NAV2: variants seen among roughly 807,000 people sequenced by gnomAD.
The protein encoded by NAV2 is helicase, APC down-regulated 1.
Under a neutral mutation model 223.2 loss-of-function variants are expected in NAV2, and 54 were observed. The ratio of observed to expected loss-of-function variants is 0.24; its 90% CI spans 0.19 to 0.30. NAV2 has a LOEUF of 0.30. Ranked by LOEUF, NAV2 falls within the 10% of genes least tolerant of loss-of-function variation. The pLI, the probability that NAV2 is intolerant of heterozygous loss-of-function variation, is 1.00. For synonymous variants in NAV2, 1,279 were observed against 1,239.3 expected (o/e 1.03, Z -0.67); for missense variants, 2,806 against 3,147.5 (o/e 0.89, Z 2.60).
At chr11:19,397,396 A>T (rs1256301702) in intron 1 of NAV2, among the ~76,000 whole-genome samples, 1 of 143,820 alleles carries the variant, frequency 7.0e-6, no homozygotes, top group Non-Finnish European at 1.5e-5. Flanking sequence ...TTCTCTGGGG[A>T]GTGTGTGTGT....
intron 11 of NAV2, among the ~76,000 whole-genome samples, chr11:20,023,701 T>TGG (rs1428029064): frequency 3.9e-4 from 6 of 15,318 alleles, no homozygotes; most frequent in Non-Finnish European, 1.2e-3. Flanking sequence ...AATTGCTGGG[T>TGG]GTGTGTGTGT....
At chr11:19,382,721 C>T (rs2133939404) in intron 1 of NAV2, among the ~76,000 whole-genome samples, 1 of 152,278 alleles carries the variant, frequency 6.6e-6, no homozygotes. Flanking sequence ...AGGTAGAACC[C>T]ATTTCATCCA....
chr11:19,638,985 T>C (rs1328988938), intron 1 of NAV2, among the ~76,000 whole-genome samples: 1 of 152,170 alleles, frequency 6.6e-6, no homozygotes. Flanking sequence ...AGAGCAAGAC[T>C]CTGTTTCAAA....
chr11:20,098,229 T>A, intron 31 of NAV2, among the ~76,000 whole-genome samples: 1 of 152,048 alleles, frequency 6.6e-6, no homozygotes, highest in Non-Finnish European at 1.5e-5. Context: ...CCCAGGCCAG[T>A]GGATTCCTTA....
intron 1 of NAV2, among the ~76,000 whole-genome samples, chr11:19,601,674 T>C (rs146222165): frequency 2.2e-4 from 33 of 152,218 alleles, no homozygotes; most frequent in African/African-American, 7.9e-4. Context: ...TGACAGTGAA[T>C]CTTGGTGGGG....
intron 1 of NAV2, among the ~76,000 whole-genome samples, chr11:19,562,857 T>C (rs763547778): frequency 4.6e-5 from 7 of 152,220 alleles, no homozygotes; most frequent in African/African-American, 9.6e-5. Flanking sequence ...CAATCATATG[T>C]ATTAATGGTG....
intron 11 of NAV2, among the ~76,000 whole-genome samples, chr11:19,988,703 G>C (rs185652950): frequency 6.6e-6 from 1 of 152,146 alleles, no homozygotes; most frequent in African/African-American, 2.4e-5. Flanking sequence ...AGCTTGAATT[G>C]GGAGGCCTCT....
rs146048340 is a variant in NAV2 at position 20,016,743 on chromosome 11, T to C, written c.2769-19216T>C. 4.8e-3 allele frequency among the ~76,000 whole-genome samples: 730 copies of C among 151,614 alleles called. 3 individuals carry two copies. The highest frequency in any genetic ancestry group is 0.017 in the African/African-American group (705 of 41,260). On this transcript the variant is annotated intron_variant, in intron 11 of 37. Coordinates refer to ENST00000349880, the MANE Select transcript of NAV2 (RefSeq NM_145117.5). Reference sequence around the variant, plus strand: ...AGGTGCAGTGACTCACGCCTGTAATTCCAGCACCTTGGGAGGCCAAGGAAG... The same window carrying C: ...AGGTGCAGTGACTCACGCCTGTAATCCCAGCACCTTGGGAGGCCAAGGAAG...
chr11:19,446,903 G>A lies in NAV2; in HGVS notation c.75+95876G>A, dbSNP rs115845924. On this transcript the variant is annotated intron_variant, in intron 1 of 37. Transcript: ENST00000360655. Reference sequence around the variant, plus strand: ...CCAGGGAAAGGGGAGCCAAGCGTCAGCCTGGTCTCTCTAGTGCCATGAAAG... The same window carrying A: ...CCAGGGAAAGGGGAGCCAAGCGTCAACCTGGTCTCTCTAGTGCCATGAAAG... Among the ~76,000 whole-genome samples the A allele has an allele frequency of 3.2e-3, 480 of 152,330 alleles. 2 individuals carry two copies. The highest frequency in any genetic ancestry group is 0.011 in the African/African-American group (454 of 41,590).
chr11:19,704,548 A>G (rs545630389), intron 1 of NAV2, among the ~76,000 whole-genome samples: 2 of 152,336 alleles, frequency 1.3e-5, no homozygotes, highest in South Asian at 2.1e-4. Context: ...GTAAAATAAA[A>G]ATGGGAATAA....
chr11:19,709,648 A>T (rs894207336), upstream of NAV2, among the ~76,000 whole-genome samples: 3 of 152,134 alleles, frequency 2.0e-5, no homozygotes, highest in Admixed American at 1.3e-4. Context: ...CAGCCTGACC[A>T]ATATGACGAA....
At chr11:19,613,160 C>T (rs766045238) in intron 1 of NAV2, among the ~76,000 whole-genome samples, 12 of 152,052 alleles carry the variant, frequency 7.9e-5, no homozygotes, top group African/African-American at 1.9e-4. Flanking sequence ...CCGCCCCCGC[C>T]GTGGGTCTCT....
At chr11:19,954,041 C>T (rs190549177) in intron 10 of NAV2, among the ~76,000 whole-genome samples, 10 of 152,310 alleles carry the variant, frequency 6.6e-5, no homozygotes, top group African/African-American at 1.4e-4. Flanking sequence ...CGCTACCACA[C>T]GCTATGAAGC....
At chr11:19,971,317 G>A (rs2049220238) in intron 10 of NAV2, among the ~76,000 whole-genome samples, 1 of 152,106 alleles carries the variant, frequency 6.6e-6, no homozygotes, top group Non-Finnish European at 1.5e-5. Context: ...GTGGCCTGTG[G>A]TTTGCATAGG....
At chr11:19,814,486 A>C (rs2058990806) in intron 1 of NAV2, among the ~76,000 whole-genome samples, 1 of 152,188 alleles carries the variant, frequency 6.6e-6, no homozygotes, top group African/African-American at 2.4e-5. Context: ...GGGAGCATGC[A>C]TTCACAGAGC....
chr11:19,608,640 A>T (rs192778299), intron 1 of NAV2, among the ~76,000 whole-genome samples: 1 of 152,368 alleles, frequency 6.6e-6, no homozygotes, highest in East Asian at 1.9e-4. Context: ...TACTCCCATA[A>T]AACCTAGTTG....
At chr11:20,006,303 A>C (rs1369645820) in intron 11 of NAV2, among the ~76,000 whole-genome samples, 1 of 152,190 alleles carries the variant, frequency 6.6e-6, no homozygotes, top group East Asian at 1.9e-4. Context: ...CCCACAGGTC[A>C]TGCCAGCCTG....
chr11:20,017,739 A>T (rs2054132902), intron 11 of NAV2, among the ~76,000 whole-genome samples: 1 of 152,182 alleles, frequency 6.6e-6, no homozygotes, highest in African/African-American at 2.4e-5. Context: ...TCTTGTTGAA[A>T]ATAATAAACT....
chr11:20,114,542 G>A (rs749009432), intron 36 of NAV2, 50 bp from the exon 37 acceptor site: 36 of 1,575,432 alleles, frequency 2.3e-5, no homozygotes, highest in Admixed American at 1.0e-4. Context: ...CTGGGGCTAC[G>A]AGAGAGATCT....
Sources: gnomAD v4.1 joint callset for allele counts (sites outside exome capture counted in the v4.1 genomes callset) on GRCh38, gnomAD v4.1.1 for gene constraint, MANE v1.5 for transcripts, NCBI Gene and HGNC (gene_info 2026-07-23, HGNC 2026-07-21) for gene names.